RUBCN: variants seen among roughly 807,000 people sequenced by gnomAD.
RUBCN encodes the protein run domain Beclin-1-interacting and cysteine-rich domain-containing protein.
In RUBCN, 74 loss-of-function variants were observed where a neutral mutation model predicts 113.2. The ratio of observed to expected loss-of-function variants is 0.65; its 90% CI spans 0.54 to 0.79. RUBCN has a LOEUF of 0.79. Among genes scored for constraint, RUBCN ranks in the 30% least tolerant of loss-of-function variants. The probability of loss-of-function intolerance (pLI) is 0.00; values close to 1 mark genes in which losing one functional copy is unlikely to be tolerated. For synonymous variants in RUBCN, 480 were observed against 490.0 expected, an observed-to-expected ratio of 0.98 and a Z score of 0.27; for missense variants, 1,109 against 1,251.7, an observed-to-expected ratio of 0.89 and a Z score of 1.72.
At chr3:197,690,195 G>A (rs1178571492) in intron 11 of RUBCN, among the ~76,000 whole-genome samples, 1 of 152,156 alleles carries the variant, frequency 6.6e-6, no homozygotes, top group South Asian at 2.1e-4. Context: ...ATTCCAACAC[G>A]TTGGGAGGCC....
At chr3:197,692,732 T>C (rs1042272998) in intron 11 of RUBCN, among the ~76,000 whole-genome samples, 2 of 152,084 alleles carry the variant, frequency 1.3e-5, no homozygotes, top group South Asian at 2.1e-4. Flanking sequence ...AAGGAGAACA[T>C]AGAAGGAAGA....
At chr3:197,682,050 T>C (rs182627756) in intron 14 of RUBCN, 151 bp from the exon 15 acceptor site, 13 of 713,824 alleles carry the variant, frequency 1.8e-5, no homozygotes, top group African/African-American at 5.2e-5. Flanking sequence ...AATGAACCTA[T>C]TGGGAGAGCT....
chr3:197,695,778 C>T (rs1410262764), intron 9 of RUBCN, 88 bp downstream of exon 9: 2 of 1,221,990 alleles, frequency 1.6e-6, no homozygotes, highest in Non-Finnish European at 2.4e-6. Context: ...AATCTATACC[C>T]AAAACCTCAT....
chr3:197,692,084 A>T (rs555241501), intron 11 of RUBCN, among the ~76,000 whole-genome samples: 1 of 152,038 alleles, frequency 6.6e-6, no homozygotes, highest in Non-Finnish European at 1.5e-5. Context: ...CAACCACGTC[A>T]TTAGAGGGTT....
At chr3:197,694,250 AT>A (rs138709267) in intron 10 of RUBCN, 124 bp downstream of exon 10, 10,319 of 874,188 alleles carry the variant, frequency 0.012, 219 homozygotes, top group East Asian at 0.058. Context: ...TATTCCTAGC[AT>A]GATAGAAAAA....
chr3:197,718,275 C>G, intron 1 of RUBCN, 145 bp from the exon 2 acceptor site: 1 of 851,580 alleles, frequency 1.2e-6, no homozygotes, highest in Non-Finnish European at 1.9e-6. Flanking sequence ...GCACAAAACT[C>G]AACTCTGAGA....
intron 7 of RUBCN, chr3:197,699,354 C>A: frequency 1.5e-6 from 1 of 677,036 alleles, no homozygotes; most frequent in South Asian, 1.9e-5. Flanking sequence ...AGAGGAAACC[C>A]CAGTTGTGAA....
chr3:197,732,717 A>G (rs138913290), intron 1 of RUBCN, among the ~76,000 whole-genome samples: 7 of 152,330 alleles, frequency 4.6e-5, no homozygotes, highest in Non-Finnish European at 1.0e-4. Flanking sequence ...CTGGAGTGAT[A>G]GCTAGACGGA....
At chr3:197,725,678 T>C (rs979451106) in intron 1 of RUBCN, among the ~76,000 whole-genome samples, 2 of 151,976 alleles carry the variant, frequency 1.3e-5, no homozygotes, top group African/African-American at 4.8e-5. Flanking sequence ...AGAATCTTAA[T>C]GTACAGGAGG....
In RUBCN at chr3:197,683,579, C is replaced by G; in HGVS notation, c.1848-140G>C. The G allele has an allele frequency of 1.1e-6, 1 of 919,552 alleles. No individual in the cohort carries two copies. Among genetic ancestry groups the G allele is most frequent in the Non-Finnish European group, 1.7e-6 (1 of 579,360 alleles). 57.0% of individuals were successfully genotyped at this position (919,552 alleles called of 1,614,324 possible). A position where few individuals can be genotyped will look rare whatever the true frequency, so the allele number is the denominator to read the frequency against. On this transcript the variant is annotated intron_variant, in intron 12 of 19. Transcript: ENST00000296343. The surrounding 1 kb of genome is among the most constrained non-coding windows in gnomAD (Gnocchi z 4.6). Reference sequence around the variant, plus strand: ...AGCACCCTGGCCTGCTCATCACCCTCACACATGGGACAGTCAAAGTCCACT... The same window carrying G: ...AGCACCCTGGCCTGCTCATCACCCTGACACATGGGACAGTCAAAGTCCACT...
chr3:197,704,968 T>C, intron 3 of RUBCN, 124 bp downstream of exon 3: 1 of 822,178 alleles, frequency 1.2e-6, no homozygotes, highest in Admixed American at 2.0e-5. Context: ...ATTAATTTCC[T>C]TTCCTCAGCT....
At chr3:197,688,620 T>C (rs1560417139) in intron 11 of RUBCN, among the ~76,000 whole-genome samples, 1 of 152,172 alleles carries the variant, frequency 6.6e-6, no homozygotes, top group Non-Finnish European at 1.5e-5. Flanking sequence ...GAAAAATTGA[T>C]GCAGCTATAA....
In RUBCN at chr3:197,683,110, G is replaced by A. The variant is rs1011147801; in HGVS notation, c.1980+197C>T. Among the ~76,000 whole-genome samples, 8 of 152,244 alleles carry A rather than the reference G, an allele frequency of 5.3e-5. No individual in the cohort carries two copies. The highest frequency in any genetic ancestry group is 1.7e-4 in the African/African-American group (7 of 41,462). ...AGTCACGTGAATAAGGACCGCGAACGCGCCGTCATCTCTGCTCTGACAAGG... is the reference window on the plus strand; with the variant it reads ...AGTCACGTGAATAAGGACCGCGAACACGCCGTCATCTCTGCTCTGACAAGG... On this transcript the variant is annotated intron_variant, in intron 13 of 19. Coordinates refer to ENST00000296343, the MANE Select transcript of RUBCN (RefSeq NM_014687.4). This position sits in a 1 kb window ranked among gnomAD's most constrained non-coding sequence, Gnocchi z 4.6.
At chr3:197,737,692 AT>A (rs1328057019), upstream of RUBCN, among the ~76,000 whole-genome samples, 3 of 152,102 alleles carry the variant, frequency 2.0e-5, no homozygotes, top group African/African-American at 7.2e-5. Context: ...TCAAGAAGTG[AT>A]TTGATCGAAT....
At chr3:197,730,792 A>G (rs1727339227) in intron 1 of RUBCN, among the ~76,000 whole-genome samples, 1 of 151,434 alleles carries the variant, frequency 6.6e-6, no homozygotes, top group Non-Finnish European at 1.5e-5. Flanking sequence ...GGAGCCAGCA[A>G]GTCTAGCAGA....
At chr3:197,733,029 G>A (rs1727699574) in intron 1 of RUBCN, among the ~76,000 whole-genome samples, 2 of 152,196 alleles carry the variant, frequency 1.3e-5, no homozygotes, top group Non-Finnish European at 2.9e-5. Context: ...TCCTACTCAG[G>A]CAGGTTACGT....
At position 197,672,118 on chromosome 3, in the gene RUBCN, G is replaced by A. The variant is rs946981761; in HGVS notation, c.*2900C>T. Reference sequence around the variant, plus strand: ...ACACGGAACATCTCTACTAAGACTCGCACTCCTTTTATGTTAGTTCAACGA... The same window carrying A: ...ACACGGAACATCTCTACTAAGACTCACACTCCTTTTATGTTAGTTCAACGA... On this transcript the variant is annotated 3_prime_UTR_variant, in exon 20 of 20. Coordinates refer to ENST00000296343, the MANE Select transcript of RUBCN (RefSeq NM_014687.4). 2.6e-5 allele frequency: 4 copies of A among 152,192 alleles called. No homozygotes were observed. The highest frequency in any genetic ancestry group is 1.9e-4 in the East Asian group (1 of 5,200). The allele number at this position is 152,192 out of a possible 1,614,324, so 9.4% of individuals were successfully genotyped here. A position where few individuals can be genotyped will look rare whatever the true frequency, so the allele number is the denominator to read the frequency against.
rs531687378 is a variant in RUBCN, at chr3:197,725,356, T to C, written c.66-7226A>G. On this transcript the variant is annotated intron_variant, in intron 1 of 19. Transcript: ENST00000296343. ...TATCTAGTATTTAACTTGCAGGCTG[T>C]GTAGTTGAATGTGCTCCTTTTTACA... Among the ~76,000 whole-genome samples, 4 of 152,028 alleles carry C rather than the reference T, an allele frequency of 2.6e-5. No homozygotes were observed. The South Asian group carries it at 8.3e-4, about 32-fold the overall frequency.
At chr3:197,688,707 G>A (rs1580198537) in intron 11 of RUBCN, among the ~76,000 whole-genome samples, 1 of 152,226 alleles carries the variant, frequency 6.6e-6, no homozygotes, top group Admixed American at 6.5e-5. Context: ...GACTGTCTGA[G>A]ATTGGGAGCC....
Sources: gnomAD v4.1 joint callset for allele counts (sites outside exome capture counted in the v4.1 genomes callset) on GRCh38, gnomAD v4.1.1 for gene constraint, Gnocchi (gnomAD v3.1) non-coding constraint, MANE v1.5 for transcripts, NCBI Gene and HGNC (gene_info 2026-07-23, HGNC 2026-07-21) for gene names.